NKAIN2: variants seen among roughly 807,000 people sequenced by gnomAD.
The protein encoded by NKAIN2 is sodium/potassium-transporting ATPase subunit beta-1-interacting protein 2.
NKAIN2 carries 14 observed loss-of-function variants against 32.6 expected under a neutral mutation model. The observed-to-expected ratio is 0.43, with a 90% CI of 0.28 to 0.67. NKAIN2 has a LOEUF of 0.67. Among genes scored for constraint, NKAIN2 ranks in the 30% least tolerant of loss-of-function variants. The pLI, the probability that NKAIN2 is intolerant of heterozygous loss-of-function variation, is 0.17. For synonymous variants in NKAIN2, 80 were observed against 87.2 expected (o/e 0.92, Z 0.46); for missense variants, 198 against 258.3 (o/e 0.77, Z 1.60).
intron 2 of NKAIN2, among the ~76,000 whole-genome samples, chr6:124,318,309 C>A (rs1009007581): frequency 2.6e-5 from 4 of 151,918 alleles, no homozygotes; most frequent in African/African-American, 9.6e-5. Context: ...TCACACTTTG[C>A]CTCAGCTACT....
chr6:124,210,720 G>T, intron 1 of NKAIN2, among the ~76,000 whole-genome samples: 1 of 150,032 alleles, frequency 6.7e-6, no homozygotes, highest in African/African-American at 2.5e-5. Context: ...TTTTTTGTTT[G>T]TTTGTTTTTT....
rs1012837722 is a variant in NKAIN2, at chr6:124,823,164, G to A, written c.618-56G>A. The A allele has an allele frequency of 4.0e-6, 5 of 1,257,676 alleles. No individual in the cohort carries two copies. In the Admixed American group the frequency reaches 8.4e-5, roughly 21 times the overall value. The allele number at this position is 1,257,676 out of a possible 1,614,324, so 77.9% of individuals were successfully genotyped here. A position where few individuals can be genotyped will look rare whatever the true frequency, so the allele number is the denominator to read the frequency against. On this transcript the variant is annotated intron_variant, in intron 6 of 6. Transcript: ENST00000368417. ...TTGGAAAGGTGAGAAAAGGTGGTGA[G>A]CAGCAGGCACCTGTCACTTTCCCCC...
At chr6:124,167,577 G>A (rs1269613884) in intron 1 of NKAIN2, among the ~76,000 whole-genome samples, 1 of 152,142 alleles carries the variant, frequency 6.6e-6, no homozygotes, top group African/African-American at 2.4e-5. Context: ...TGGCGAGAGA[G>A]GGCATCCCTG....
chr6:123,970,901 G>T (rs1007760467), intron 1 of NKAIN2, among the ~76,000 whole-genome samples: 4 of 152,022 alleles, frequency 2.6e-5, no homozygotes, highest in African/African-American at 9.7e-5. Flanking sequence ...AAGAAAAAAA[G>T]AAATATTTAT....
chr6:124,119,239 T>C (rs1375544720), intron 1 of NKAIN2, among the ~76,000 whole-genome samples: 1 of 152,002 alleles, frequency 6.6e-6, no homozygotes, highest in Non-Finnish European at 1.5e-5. Flanking sequence ...GATGAATGAG[T>C]GTAATTAATC....
chr6:124,819,659 A>G (rs1188167476), intron 6 of NKAIN2, among the ~76,000 whole-genome samples: 1 of 152,086 alleles, frequency 6.6e-6, no homozygotes. Flanking sequence ...TAATCTTCCT[A>G]AAGTACTGCG....
At chr6:124,342,497 CT>C (rs953746399) in intron 2 of NKAIN2, among the ~76,000 whole-genome samples, 1 of 150,560 alleles carries the variant, frequency 6.6e-6, no homozygotes, top group Non-Finnish European at 1.5e-5. Flanking sequence ...TTAAACAAGT[CT>C]TTTTTTGTTG....
intron 1 of NKAIN2, among the ~76,000 whole-genome samples, chr6:123,905,503 C>T (rs1174376811): frequency 6.6e-6 from 1 of 151,866 alleles, no homozygotes; most frequent in Non-Finnish European, 1.5e-5. Context: ...AGCCTGTTTA[C>T]TATCAAAACA....
At position 124,804,946 on chromosome 6, in the gene NKAIN2, C is replaced by T. The variant is rs569035660; in HGVS notation, c.536-13441C>T. On this transcript the variant is annotated intron_variant, in intron 5 of 6. Coordinates refer to ENST00000368417, the MANE Select transcript of NKAIN2 (RefSeq NM_001040214.3). ...GGCGGCAGCGAGGCTGGGGGAAGGGCGCCCGCCATTGCCCAGGCTTGCTTA... is the reference window on the plus strand; with the variant it reads ...GGCGGCAGCGAGGCTGGGGGAAGGGTGCCCGCCATTGCCCAGGCTTGCTTA... Among the ~76,000 whole-genome samples the T allele has an allele frequency of 1.1e-3, 170 of 152,280 alleles. 1 individual carries two copies. Among genetic ancestry groups the T allele is most frequent in the Middle Eastern group, 6.8e-3 (2 of 294 alleles).
rs185722457 is a variant in NKAIN2 at position 124,438,626 on chromosome 6, C to G, written c.273+83279C>G. Among the ~76,000 whole-genome samples, 503 of 152,242 alleles carry G rather than the reference C, an allele frequency of 3.3e-3. 3 individuals carry two copies. Among genetic ancestry groups the G allele is most frequent in the Admixed American group, 0.015 (233 of 15,278 alleles). On this transcript the variant is annotated intron_variant, in intron 3 of 6. Transcript: ENST00000368417. ...TTGCAGCTGAATCTGTGGCCATTTCCTCATATGTTCTCACTGCTTAGCCTG... is the reference window on the plus strand; with the variant it reads ...TTGCAGCTGAATCTGTGGCCATTTCGTCATATGTTCTCACTGCTTAGCCTG...
chr6:124,286,174 A>G (rs1276232639), intron 2 of NKAIN2, among the ~76,000 whole-genome samples: 2 of 152,154 alleles, frequency 1.3e-5, no homozygotes, highest in Admixed American at 1.3e-4. Context: ...ATATCCAAGT[A>G]TGTCTTAATT....
At chr6:123,871,052 A>G (rs1037422003) in intron 1 of NKAIN2, among the ~76,000 whole-genome samples, 14 of 152,006 alleles carry the variant, frequency 9.2e-5, no homozygotes, top group African/African-American at 3.1e-4. Context: ...AATTTTACAC[A>G]TTACCTATTC....
At chr6:124,529,054 T>C (rs567297264) in intron 3 of NKAIN2, among the ~76,000 whole-genome samples, 154 of 152,332 alleles carry the variant, frequency 1.0e-3, no homozygotes, top group African/African-American at 3.6e-3. Context: ...AATATAACAT[T>C]ATAATTTTCT....
At chr6:124,381,559 G>A (rs1414449579) in intron 3 of NKAIN2, among the ~76,000 whole-genome samples, 1 of 152,034 alleles carries the variant, frequency 6.6e-6, no homozygotes, top group Non-Finnish European at 1.5e-5. Flanking sequence ...CCTAACTAAT[G>A]CAAACCCCTG....
Position 124,036,415 on chromosome 6 carries a change from AT to A in NKAIN2, c.54+232163del, listed in dbSNP as rs1168361844. ...CTGGGTTCTTCTGGTTGCCATTTCC[AT>A]TGTAATTTCCTTATGGTCTAGTCAA... On this transcript the variant is annotated intron_variant, in intron 1 of 6. Transcript: ENST00000368417. 9.9e-4 allele frequency among the ~76,000 whole-genome samples: 150 copies of A among 152,134 alleles called. 1 individual carries two copies. Among genetic ancestry groups the A allele is most frequent in the Non-Finnish European group, 1.1e-3 (72 of 67,986 alleles).
intron 2 of NKAIN2, among the ~76,000 whole-genome samples, chr6:124,338,604 A>G (rs576998733): frequency 8.5e-5 from 13 of 152,266 alleles, no homozygotes; most frequent in Admixed American, 8.5e-4. Context: ...AGAACTCTAA[A>G]TTTATTTATT....
intron 3 of NKAIN2, among the ~76,000 whole-genome samples, chr6:124,471,698 A>C (rs772091799): frequency 6.6e-6 from 1 of 152,138 alleles, no homozygotes; most frequent in Non-Finnish European, 1.5e-5. Context: ...AACATAATCT[A>C]ATAGTCTGTA....
intron 3 of NKAIN2, among the ~76,000 whole-genome samples, chr6:124,588,344 T>C (rs555869178): frequency 1.3e-5 from 2 of 152,326 alleles, no homozygotes; most frequent in South Asian, 2.1e-4. Flanking sequence ...CATAATTTAA[T>C]GCAATTTTTA....
intron 4 of NKAIN2, among the ~76,000 whole-genome samples, chr6:124,685,007 G>C (rs1286272541): frequency 6.6e-6 from 1 of 152,088 alleles, no homozygotes; most frequent in Non-Finnish European, 1.5e-5. Context: ...AGTCTTCCCT[G>C]ACTTCCTGGG....
Sources: allele counts gnomAD v4.1 joint callset (sites outside exome capture counted in the v4.1 genomes callset), GRCh38; gene constraint gnomAD v4.1.1; transcripts MANE v1.5; gene names NCBI Gene and HGNC (gene_info 2026-07-23, HGNC 2026-07-21).